ACTR3C: variants seen among roughly 807,000 people sequenced by gnomAD.
The protein encoded by ACTR3C is actin-related protein 3C.
A neutral mutation model predicts 26.3 loss-of-function variants in ACTR3C; 18 were observed. The observed-to-expected ratio is 0.68, with a 90% confidence interval of 0.47 to 1.01. The LOEUF is 1.01. Ranked by LOEUF, ACTR3C falls within the 50% of genes least tolerant of loss-of-function variation. The pLI is 0.00. For synonymous variants in ACTR3C, 55 were observed against 94.5 expected, an observed-to-expected ratio of 0.58 and a Z score of 2.42; for missense variants, 184 against 250.7, an observed-to-expected ratio of 0.73 and a Z score of 1.80.
intron 6 of ACTR3C, among the ~76,000 whole-genome samples, chr7:150,257,894 G>C (rs1584850936): frequency 1.3e-5 from 2 of 151,984 alleles, no homozygotes; most frequent in Non-Finnish European, 2.9e-5. Flanking sequence ...TCTGGTGGTT[G>C]GAGAGGCAGT....
At chr7:149,979,760 C>T in the ACTR3C span, among the ~76,000 whole-genome samples, 13 of 150,978 alleles carry the variant, frequency 8.6e-5, no homozygotes, top group African/African-American at 2.7e-4. Context: ...TTCTGATAGT[C>T]TAAGCAAGAA....
the ACTR3C span, among the ~76,000 whole-genome samples, chr7:150,154,049 A>G: frequency 7.3e-6 from 1 of 137,512 alleles, no homozygotes; most frequent in East Asian, 2.2e-4. Context: ...CAGGAAGGGG[A>G]ACATCACACT....
At chr7:150,070,464 T>A in the ACTR3C span, among the ~76,000 whole-genome samples, 1 of 152,160 alleles carries the variant, frequency 6.6e-6, no homozygotes. Context: ...TTATTTAATT[T>A]CTTTTAGACA....
chr7:149,968,825 G>A, the ACTR3C span, among the ~76,000 whole-genome samples: 103 of 152,262 alleles, frequency 6.8e-4, no homozygotes, highest in Middle Eastern at 6.8e-3. Flanking sequence ...TCATGCATGG[G>A]GCAGAGAGGC....
At position 150,313,710 on chromosome 7, in the gene ACTR3C, A is replaced by T. The variant is rs145962389; in HGVS notation, c.-52+9759T>A. Among the ~76,000 whole-genome samples the T allele has an allele frequency of 1.1e-3, 171 of 152,232 alleles. 1 individual carries two copies. The highest frequency in any genetic ancestry group is 4.7e-3 in the Admixed American group (72 of 15,292). On this transcript the variant is annotated intron_variant, in intron 1 of 7. Coordinates refer to ENST00000683684, the MANE Select transcript of ACTR3C (RefSeq NM_001164458.2). Reference sequence around the variant, plus strand: ...TGCATTCAGATGGTTGGAGGGCCTTAGAATTTTATTTTTGGTTTACATTAG... The same window carrying T: ...TGCATTCAGATGGTTGGAGGGCCTTTGAATTTTATTTTTGGTTTACATTAG...
chr7:150,005,731 G>A, the ACTR3C span, among the ~76,000 whole-genome samples: 1 of 152,118 alleles, frequency 6.6e-6, no homozygotes, highest in Non-Finnish European at 1.5e-5. Context: ...TGTCCCTCAA[G>A]CAAAAAACTG....
At chr7:150,131,015 G>A in the ACTR3C span, among the ~76,000 whole-genome samples, 2 of 152,170 alleles carry the variant, frequency 1.3e-5, no homozygotes, top group African/African-American at 2.4e-5. Context: ...ATAGAGGGAA[G>A]CTGTTTTTAA....
the ACTR3C span, among the ~76,000 whole-genome samples, chr7:150,080,232 C>A: frequency 8.6e-5 from 13 of 150,748 alleles, no homozygotes; most frequent in African/African-American, 3.2e-4. Context: ...ATCCGCTGAT[C>A]TACAAAAGCT....
the ACTR3C span, among the ~76,000 whole-genome samples, chr7:149,956,999 T>C: frequency 3.3e-5 from 5 of 152,116 alleles, no homozygotes; most frequent in South Asian, 1.0e-3. Context: ...ATTATTTCTG[T>C]CTCTCATACA....
the ACTR3C span, among the ~76,000 whole-genome samples, chr7:150,208,473 TCAAA>T: frequency 6.6e-6 from 1 of 152,106 alleles, no homozygotes; most frequent in South Asian, 2.1e-4. Flanking sequence ...TAAGCCACTC[TCAAA>T]CAATCTCATG....
At chr7:150,219,914 C>T in the ACTR3C span, among the ~76,000 whole-genome samples, 1 of 145,396 alleles carries the variant, frequency 6.9e-6, no homozygotes, top group Non-Finnish European at 1.5e-5. Context: ...GACCTCTTCT[C>T]TCGAAAGCCT....
chr7:149,914,104 G>T, the ACTR3C span, among the ~76,000 whole-genome samples: 2 of 151,244 alleles, frequency 1.3e-5, no homozygotes, highest in African/African-American at 4.9e-5. Flanking sequence ...GCCCAGATTG[G>T]TCTCAAACTC....
chr7:150,023,897 C>T, the ACTR3C span, among the ~76,000 whole-genome samples: 3 of 121,460 alleles, frequency 2.5e-5, no homozygotes, highest in Non-Finnish European at 3.6e-5. Context: ...CCAGGGGCTG[C>T]GGAACAGGAG....
chr7:150,128,158 T>G, the ACTR3C span, among the ~76,000 whole-genome samples: 1 of 150,522 alleles, frequency 6.6e-6, no homozygotes, highest in South Asian at 2.1e-4. Flanking sequence ...TTCTGACAAT[T>G]CTGAACATAG....
the ACTR3C span, among the ~76,000 whole-genome samples, chr7:150,167,305 G>A: frequency 1.3e-5 from 2 of 150,538 alleles, no homozygotes; most frequent in Non-Finnish European, 2.9e-5. Context: ...TCCCCTTTCT[G>A]TGCATCTCTG....
At chr7:149,900,852 G>A in the ACTR3C span, among the ~76,000 whole-genome samples, 2 of 152,200 alleles carry the variant, frequency 1.3e-5, no homozygotes, top group South Asian at 2.1e-4. Context: ...GGCCAACATG[G>A]TGAAAACCCA....
chr7:149,882,661 G>C, the ACTR3C span, among the ~76,000 whole-genome samples: 1 of 152,208 alleles, frequency 6.6e-6, no homozygotes, highest in Non-Finnish European at 1.5e-5. Flanking sequence ...GGGTAAGTAG[G>C]TCTGTCAAAG....
the ACTR3C span, among the ~76,000 whole-genome samples, chr7:149,966,944 C>T: frequency 6.6e-6 from 1 of 151,838 alleles, no homozygotes; most frequent in Non-Finnish European, 1.5e-5. Context: ...TCACTGCAAC[C>T]TCCACCTCCC....
chr7:150,278,909 A>G (rs1211912706), intron 6 of ACTR3C, among the ~76,000 whole-genome samples: 1 of 152,240 alleles, frequency 6.6e-6, no homozygotes, highest in Non-Finnish European at 1.5e-5. Flanking sequence ...TCATCTGAAT[A>G]AAATACCTAT....
Sources: gnomAD v4.1 joint callset for allele counts (sites outside exome capture counted in the v4.1 genomes callset) on GRCh38, gnomAD v4.1.1 for gene constraint, MANE v1.5 for transcripts, NCBI Gene and HGNC (gene_info 2026-07-23, HGNC 2026-07-21) for gene names.